The following SLC8A1 variants were observed in gnomAD, a reference collection of about 807,000 sequenced individuals.
SLC8A1 encodes solute carrier family 8 member A1, also known as sodium/calcium exchanger 1.
Under a neutral mutation model 68.3 loss-of-function variants are expected in SLC8A1, and 18 were observed. The observed-to-expected ratio is 0.26, with a 90% confidence interval of 0.18 to 0.39. The LOEUF (loss-of-function observed/expected upper bound fraction) is 0.39, where lower values mean the gene tolerates loss of function less well. SLC8A1 is among the 10% of genes least tolerant of loss of function. The pLI is 1.00. For missense variants in SLC8A1, 985 were observed against 1,156.7 expected (o/e 0.85, Z 2.15); for synonymous variants, 475 against 415.5 (o/e 1.14, Z -1.74).
At chr2:40,300,170 T>TA (rs2071187003) in intron 2 of SLC8A1, among the ~76,000 whole-genome samples, 1 of 152,056 alleles carries the variant, frequency 6.6e-6, no homozygotes, top group African/African-American at 2.4e-5. Flanking sequence ...AAAATAAAAA[T>TA]AAAAAACAAC....
intron 2 of SLC8A1, among the ~76,000 whole-genome samples, chr2:40,320,336 C>T (rs2075041085): frequency 6.6e-6 from 1 of 152,008 alleles, no homozygotes; most frequent in African/African-American, 2.4e-5. Flanking sequence ...TCAACCTTGT[C>T]CTCCAACATG....
In SLC8A1 at chr2:40,175,432, G is replaced by C. The variant is rs569434315; in HGVS notation, c.1913-590C>G. ...AATGGGTATACCCCAAAGAAATATAGTGATGGGAATATTTCTGAATAAACA... is the reference window on the plus strand; with the variant it reads ...AATGGGTATACCCCAAAGAAATATACTGATGGGAATATTTCTGAATAAACA... On this transcript the variant is annotated intron_variant, in intron 3 of 7. Transcript: ENST00000406785. 1.5e-3 allele frequency: 1,017 copies of C among 696,194 alleles called. 3 individuals are homozygous for C. The highest frequency in any genetic ancestry group is 2.2e-3 in the Non-Finnish European group (896 of 402,800). The allele number at this position is 696,194 out of a possible 1,614,324, so 43.1% of individuals were successfully genotyped here. A position where few individuals can be genotyped will look rare whatever the true frequency, so the allele number is the denominator to read the frequency against.
chr2:40,282,633 C>T lies in SLC8A1; in HGVS notation c.1809-104778G>A, dbSNP rs376199552. Among the ~76,000 whole-genome samples, 134 of 152,216 alleles carry T rather than the reference C, an allele frequency of 8.8e-4. 1 individual carries two copies. Among genetic ancestry groups the T allele is most frequent in the African/African-American group, 3.0e-3 (125 of 41,542 alleles). On this transcript the variant is annotated intron_variant, in intron 2 of 7. Coordinates refer to ENST00000406785, the Ensembl canonical transcript of SLC8A1. ...TTCATTTTTGCACGCTCCTTTGCTC[C>T]GTTTAGTACCGAAATAAAAACATGA... is the stretch of plus-strand genomic sequence containing the variant.
chr2:40,409,526 C>T (rs1033400210), intron 2 of SLC8A1, among the ~76,000 whole-genome samples: 1 of 152,096 alleles, frequency 6.6e-6, no homozygotes, highest in Non-Finnish European at 1.5e-5. Context: ...ATCAGAGCTT[C>T]CATTTATCAA....
At chr2:40,364,478 T>C (rs919753808) in intron 2 of SLC8A1, among the ~76,000 whole-genome samples, 11 of 148,592 alleles carry the variant, frequency 7.4e-5, no homozygotes, top group African/African-American at 2.8e-4. Flanking sequence ...AAGATTTCTA[T>C]GAAAACTTTA....
intron 2 of SLC8A1, among the ~76,000 whole-genome samples, chr2:40,184,898 C>CAAAAAAAAAAAAAAAAAAAA (rs66662572): frequency 4.7e-5 from 5 of 106,526 alleles, no homozygotes; most frequent in South Asian, 3.3e-4. Context: ...TAACCAAAAA[C>CAAAAAAAAAAAAAAAAAAAA]AAAAAAAAAA....
At chr2:40,273,790 GCACT>G (rs2066345998) in intron 2 of SLC8A1, among the ~76,000 whole-genome samples, 1 of 151,934 alleles carries the variant, frequency 6.6e-6, no homozygotes, top group Non-Finnish European at 1.5e-5. Flanking sequence ...TCCCGATAAG[GCACT>G]CACTAAGGGG....
intron 2 of SLC8A1, among the ~76,000 whole-genome samples, chr2:40,381,329 T>C (rs1365540248): frequency 1.3e-5 from 2 of 152,070 alleles, no homozygotes; most frequent in African/African-American, 4.8e-5. Flanking sequence ...CATTTCCCTG[T>C]CCTTCCACAA....
intron 1 of SLC8A1, among the ~76,000 whole-genome samples, chr2:40,445,172 AG>A (rs1245342456): frequency 6.6e-6 from 1 of 152,224 alleles, no homozygotes; most frequent in African/African-American, 2.4e-5. Flanking sequence ...TAATAGATGA[AG>A]AAAGTAAACA....
At position 40,278,618 on chromosome 2, in the gene SLC8A1, C is replaced by G. The variant is rs566571074; in HGVS notation, c.1809-100763G>C. Among the ~76,000 whole-genome samples, 30 of 152,230 alleles carry G rather than the reference C, an allele frequency of 2.0e-4. No homozygotes were observed. In the South Asian group the frequency reaches 6.0e-3, roughly 31 times the overall value. ...TGCCAAATGTGGGCAAAGCGACATA[C>G]CTCAGTGTGAGAGAGTAAGTGCTGG... On this transcript the variant is annotated intron_variant, in intron 2 of 7. Transcript: ENST00000406785.
intron 1 of SLC8A1, among the ~76,000 whole-genome samples, chr2:40,509,095 A>G (rs908340102): frequency 5.9e-5 from 9 of 152,166 alleles, no homozygotes; most frequent in Non-Finnish European, 1.3e-4. Context: ...CAGACCTTAA[A>G]ACTACATTGA....
At chr2:40,506,563 G>T (rs1396294822) in intron 1 of SLC8A1, among the ~76,000 whole-genome samples, 1 of 151,774 alleles carries the variant, frequency 6.6e-6, no homozygotes, top group Non-Finnish European at 1.5e-5. Flanking sequence ...CCTCAGGAAG[G>T]TATAATTGTA....
intron 2 of SLC8A1, among the ~76,000 whole-genome samples, chr2:40,229,896 G>A (rs2148889889): frequency 6.6e-6 from 1 of 152,148 alleles, no homozygotes; most frequent in East Asian, 1.9e-4. Flanking sequence ...GATGATTATA[G>A]CAATAGCAAA....
At chr2:40,429,343 T>A (rs1697709945) in exon 2 of SLC8A1, 3 of 1,613,860 alleles carry the variant, frequency 1.9e-6, no homozygotes, top group Non-Finnish European at 2.5e-6. Context: ...GTCCCTCTCA[T>A]CCACCTCCAG....
In SLC8A1 at chr2:40,432,169, G is replaced by A. The variant is rs6719994; in HGVS notation, c.-24-1865C>T. On this transcript the variant is annotated intron_variant, in intron 1 of 7. Coordinates refer to ENST00000406785, the Ensembl canonical transcript of SLC8A1. ...GAAGATCTAGTTCCAACTCCCTTGTGTATCCATTTCATCCACAATATTTAT... is the reference window on the plus strand; with the variant it reads ...GAAGATCTAGTTCCAACTCCCTTGTATATCCATTTCATCCACAATATTTAT... 9.7e-3 allele frequency among the ~76,000 whole-genome samples: 1,467 copies of A among 151,926 alleles called. 21 individuals carry two copies. The highest frequency in any genetic ancestry group is 0.033 in the African/African-American group (1,372 of 41,410).
chr2:40,362,243 A>C (rs1386637284), intron 2 of SLC8A1, among the ~76,000 whole-genome samples: 1 of 151,954 alleles, frequency 6.6e-6, no homozygotes, highest in East Asian at 1.9e-4. Flanking sequence ...AAAAATTGAA[A>C]GCCATTCTGT....
rs549556459 is a variant in SLC8A1 at position 40,221,975 on chromosome 2, C to T, written c.1809-44120G>A. Reference sequence around the variant, plus strand: ...TAATTTATAGATTCAATGCTATCCCCATCAAGCTACCATTGACTTTCATCA... The same window carrying T: ...TAATTTATAGATTCAATGCTATCCCTATCAAGCTACCATTGACTTTCATCA... On this transcript the variant is annotated intron_variant, in intron 2 of 7. Coordinates refer to ENST00000406785, the Ensembl canonical transcript of SLC8A1. Among the ~76,000 whole-genome samples the T allele has an allele frequency of 3.3e-5, 5 of 152,220 alleles. No individual in the cohort carries two copies. In the East Asian group the frequency reaches 9.7e-4, roughly 29 times the overall value.
At chr2:40,340,241 G>T (rs1667264189) in intron 2 of SLC8A1, among the ~76,000 whole-genome samples, 1 of 152,138 alleles carries the variant, frequency 6.6e-6, no homozygotes, top group Non-Finnish European at 1.5e-5. Context: ...TCCTATTTCT[G>T]TGAGTTGATT....
In SLC8A1 at chr2:40,331,379, G is replaced by A. The variant is rs115229699; in HGVS notation, c.1808+97094C>T. ...GAATCATAAAACACACACACATAAT[G>A]CCTACTATATTTGGTACTTGTCTGT... On this transcript the variant is annotated intron_variant, in intron 2 of 7. Coordinates refer to ENST00000406785, the Ensembl canonical transcript of SLC8A1. 4.6e-3 allele frequency among the ~76,000 whole-genome samples: 693 copies of A among 152,020 alleles called. 4 individuals carry two copies. The highest frequency in any genetic ancestry group is 0.016 in the African/African-American group (665 of 41,456).
Sources: gnomAD v4.1 joint callset for allele counts (sites outside exome capture counted in the v4.1 genomes callset) on GRCh38, gnomAD v4.1.1 for gene constraint, MANE v1.5 for transcripts, NCBI Gene and HGNC (gene_info 2026-07-23, HGNC 2026-07-21) for gene names.